The following SCUBE1 variants were observed in gnomAD, a reference collection of about 807,000 sequenced individuals.
SCUBE1 encodes the protein signal peptide, CUB and EGF-like domain-containing protein 1.
In SCUBE1, 59 loss-of-function variants were observed where a neutral mutation model predicts 124.4. The observed-to-expected ratio is 0.47, with a 90% CI of 0.38 to 0.59. The LOEUF (loss-of-function observed/expected upper bound fraction) is 0.59, where lower values mean the gene tolerates loss of function less well. Ranked by LOEUF, SCUBE1 falls within the 20% of genes least tolerant of loss-of-function variation. SCUBE1 has a pLI of 0.00. For synonymous variants in SCUBE1, 545 were observed against 550.9 expected (o/e 0.99, Z 0.15); for missense variants, 1,150 against 1,371.2 (o/e 0.84, Z 2.55).
chr22:43,264,952 C>T (rs1348657942), intron 4 of SCUBE1, among the ~76,000 whole-genome samples: 3 of 152,220 alleles, frequency 2.0e-5, no homozygotes, highest in African/African-American at 7.2e-5. Context: ...GTCCTATGGC[C>T]GGCACAGGAG....
chr22:43,310,960 G>A (rs975945673), intron 3 of SCUBE1, among the ~76,000 whole-genome samples: 15 of 152,046 alleles, frequency 9.9e-5, no homozygotes, highest in African/African-American at 3.6e-4. Flanking sequence ...TTAAATTTCT[G>A]TAGAGATGGG....
chr22:43,221,434 G>A (rs1922089133), intron 12 of SCUBE1, 145 bp from the exon 13 acceptor site: 1 of 639,232 alleles, frequency 1.6e-6, no homozygotes, highest in African/African-American at 1.8e-5. Flanking sequence ...GCTCTCCTGG[G>A]GTGGGGGACC....
At chr22:43,293,873 C>T (rs747606397) in intron 3 of SCUBE1, among the ~76,000 whole-genome samples, 7 of 152,224 alleles carry the variant, frequency 4.6e-5, no homozygotes, top group Admixed American at 2.0e-4. Flanking sequence ...ATCCCTGTCA[C>T]GAGGAAGCTC....
intron 5 of SCUBE1, among the ~76,000 whole-genome samples, chr22:43,262,511 C>T (rs1239595642): frequency 1.3e-5 from 2 of 152,194 alleles, no homozygotes; most frequent in Non-Finnish European, 2.9e-5. Flanking sequence ...CTGGTGGTGT[C>T]GTGCTTGGTG....
intron 2 of SCUBE1, among the ~76,000 whole-genome samples, chr22:43,327,473 C>G (rs1926765056): frequency 6.6e-6 from 1 of 152,164 alleles, no homozygotes; most frequent in Admixed American, 6.5e-5. Context: ...CATGGAGTTT[C>G]TTTTTGGAGT....
intron 19 of SCUBE1, among the ~76,000 whole-genome samples, chr22:43,209,697 G>A (rs1472666924): frequency 3.3e-5 from 5 of 152,210 alleles, no homozygotes; most frequent in African/African-American, 7.2e-5. Context: ...CGCCCTGAGC[G>A]GTGCGGCAGA....
In SCUBE1 at chr22:43,255,500, G is replaced by A. The variant is rs932408000; in HGVS notation, c.727+2719C>T. The A allele has an allele frequency of 9.0e-6, 14 of 1,550,364 alleles. No individual in the cohort carries two copies. The highest frequency in any genetic ancestry group is 1.4e-5 in the African/African-American group (1 of 73,028). Reference sequence around the variant, plus strand: ...AGAAAAGTGTTACCCATGAGTAGCCGCCGTTTCACCCGCTTGTCCACATCA... The same window carrying A: ...AGAAAAGTGTTACCCATGAGTAGCCACCGTTTCACCCGCTTGTCCACATCA... On this transcript the variant is annotated intron_variant, in intron 6 of 21. Coordinates refer to ENST00000360835, the MANE Select transcript of SCUBE1 (RefSeq NM_173050.5). This position sits in a 1 kb window ranked among gnomAD's most constrained non-coding sequence, Gnocchi z 4.7.
At chr22:43,292,124 G>C (rs1925385220) in intron 3 of SCUBE1, among the ~76,000 whole-genome samples, 1 of 152,146 alleles carries the variant, frequency 6.6e-6, no homozygotes, top group Non-Finnish European at 1.5e-5. Context: ...ACGATAACAG[G>C]CTGGAGCACA....
At chr22:43,220,955 G>A (rs1922064230) in intron 13 of SCUBE1, among the ~76,000 whole-genome samples, 1 of 152,208 alleles carries the variant, frequency 6.6e-6, no homozygotes, top group South Asian at 2.1e-4. Context: ...GGACAGAGCT[G>A]GTGCCTTCCT....
chr22:43,294,647 G>C (rs1034374296), intron 3 of SCUBE1, among the ~76,000 whole-genome samples: 8 of 152,240 alleles, frequency 5.3e-5, no homozygotes, highest in African/African-American at 1.9e-4. Context: ...CGATGCCCAG[G>C]CCTTATCCCT....
At chr22:43,223,048 G>A (rs1324078279) in intron 11 of SCUBE1, 49 bp downstream of exon 11, 1 of 1,498,872 alleles carries the variant, frequency 6.7e-7, no homozygotes, top group Non-Finnish European at 8.9e-7. Context: ...ACCCCAGGGA[G>A]GAAGACCCCC....
intron 3 of SCUBE1, among the ~76,000 whole-genome samples, chr22:43,316,345 T>C (rs560165762): frequency 3.9e-5 from 6 of 152,348 alleles, no homozygotes; most frequent in Admixed American, 1.3e-4. Context: ...CTGGGTGATA[T>C]TGCCTGCTTT....
intron 3 of SCUBE1, among the ~76,000 whole-genome samples, chr22:43,305,306 G>A (rs1925927301): frequency 6.6e-6 from 1 of 152,220 alleles, no homozygotes; most frequent in African/African-American, 2.4e-5. Context: ...GGATTTCTCT[G>A]AGTGTTTCTG....
chr22:43,224,608 G>A (rs934151831), intron 10 of SCUBE1, among the ~76,000 whole-genome samples: 1 of 152,280 alleles, frequency 6.6e-6, no homozygotes, highest in Admixed American at 6.5e-5. Flanking sequence ...TAGGCAACTA[G>A]GCAGGGCTTT....
chr22:43,243,374 T>C (rs1022996046), intron 6 of SCUBE1, among the ~76,000 whole-genome samples: 5 of 152,102 alleles, frequency 3.3e-5, no homozygotes, highest in African/African-American at 1.2e-4. Flanking sequence ...CGAAAGCATG[T>C]GGGGAAAATC....
At position 43,210,335 on chromosome 22, in the gene SCUBE1, GC is replaced by G; in HGVS notation, c.2384-96del. ...AACCACCTGGGAGGCCTAGGGCAGG[GC>G]TGGAAGGTGCTCTTGTCCCCCCCCA... On this transcript the variant is annotated intron_variant, in intron 18 of 21. Coordinates refer to ENST00000360835, the MANE Select transcript of SCUBE1 (RefSeq NM_173050.5). The surrounding 1 kb of genome is among the most constrained non-coding windows in gnomAD (Gnocchi z 4.5). The G allele has an allele frequency of 9.4e-7, 1 of 1,066,302 alleles. No homozygotes were observed. The highest frequency in any genetic ancestry group is 1.3e-6 in the Non-Finnish European group (1 of 775,356). The allele number at this position is 1,066,302 out of a possible 1,614,324, so 66.1% of individuals were successfully genotyped here.
intron 6 of SCUBE1, among the ~76,000 whole-genome samples, chr22:43,245,114 G>A (rs1302053123): frequency 6.6e-6 from 1 of 152,222 alleles, no homozygotes; most frequent in Non-Finnish European, 1.5e-5. Context: ...AGTGGCCCTG[G>A]TCTCCCTGGC....
At chr22:43,317,156 C>T (rs1926378378) in intron 3 of SCUBE1, 6 of 152,186 alleles carry the variant, frequency 3.9e-5, no homozygotes. Flanking sequence ...GTTTTATGCC[C>T]AGAACCACCT....
intron 3 of SCUBE1, among the ~76,000 whole-genome samples, chr22:43,297,028 A>G (rs1925588864): frequency 1.3e-5 from 2 of 152,302 alleles, no homozygotes; most frequent in East Asian, 1.9e-4. Context: ...AGAAAGGCTG[A>G]GCATTTGGAG....
Sources: gnomAD v4.1 joint callset for allele counts (sites outside exome capture counted in the v4.1 genomes callset) on GRCh38, gnomAD v4.1.1 for gene constraint, Gnocchi (gnomAD v3.1) non-coding constraint, MANE v1.5 for transcripts, NCBI Gene and HGNC (gene_info 2026-07-23, HGNC 2026-07-21) for gene names.